Variants in PPM1E observed in about 807,000 individuals in gnomAD.
The protein encoded by PPM1E is protein phosphatase, Mg2+/Mn2+ dependent 1E.
A neutral mutation model predicts 65.9 loss-of-function variants in PPM1E; 20 were observed. The observed-to-expected ratio is 0.30, with a 90% CI of 0.21 to 0.44. The LOEUF (loss-of-function observed/expected upper bound fraction) is 0.44, where lower values mean the gene tolerates loss of function less well. Ranked by LOEUF, PPM1E falls within the 20% of genes least tolerant of loss-of-function variation. The probability of loss-of-function intolerance (pLI) is 1.00; values close to 1 mark genes in which losing one functional copy is unlikely to be tolerated. For synonymous variants in PPM1E, 352 were observed against 374.9 expected, an observed-to-expected ratio of 0.94 and a Z score of 0.70; for missense variants, 713 against 953.1, an observed-to-expected ratio of 0.75 and a Z score of 3.32.
intron 1 of PPM1E, among the ~76,000 whole-genome samples, chr17:58,928,828 G>A (rs2051856964): frequency 6.6e-6 from 1 of 151,362 alleles, no homozygotes; most frequent in South Asian, 2.1e-4. Context: ...TCAGCCTCCT[G>A]AGTAGCTGGG....
intron 1 of PPM1E, among the ~76,000 whole-genome samples, chr17:58,829,804 TCA>T (rs2050580152): frequency 6.6e-6 from 1 of 152,226 alleles, no homozygotes; most frequent in Non-Finnish European, 1.5e-5. Context: ...TTAATTTTTT[TCA>T]GATATTTCAG....
intron 1 of PPM1E, among the ~76,000 whole-genome samples, chr17:58,794,919 TGC>T: frequency 1.3e-5 from 2 of 148,242 alleles, no homozygotes; most frequent in African/African-American, 2.6e-5. Flanking sequence ...GGCAGAGTCT[TGC>T]TCTGTCACCC....
Position 58,756,416 on chromosome 17 carries a change from TG to T in PPM1E, c.421del (p.Glu141ArgfsTer25). 7.4e-7 allele frequency: 1 copy of T among 1,355,384 alleles called. No individual in the cohort carries two copies. Among genetic ancestry groups the T allele is most frequent in the South Asian group, 2.1e-5 (1 of 47,826 alleles). The allele number at this position is 1,355,384 out of a possible 1,614,324, so 84.0% of individuals were successfully genotyped here. On this transcript the variant is annotated frameshift_variant, in exon 1 of 7. Transcript: ENST00000308249. LOFTEE classifies it high-confidence loss of function. ...TCAGAGCGCATCACCCGCGAGGAGG[TG>T]GAGGGCGAAAGCCTGGACCTGTGCC... ...PLSERITREE[V>X]EGESLDLCLQ...
intron 1 of PPM1E, among the ~76,000 whole-genome samples, chr17:58,936,780 T>C (rs1039234863): frequency 6.6e-6 from 1 of 152,226 alleles, no homozygotes; most frequent in Non-Finnish European, 1.5e-5. Flanking sequence ...AAGGAACTTA[T>C]TATCAACCCA....
At chr17:58,871,142 C>T (rs1262755464) in intron 1 of PPM1E, among the ~76,000 whole-genome samples, 2 of 152,104 alleles carry the variant, frequency 1.3e-5, no homozygotes, top group Non-Finnish European at 2.9e-5. Context: ...TCAAGTGATC[C>T]TCCCTTATTT....
At chr17:58,869,126 T>C (rs2051040732) in intron 1 of PPM1E, among the ~76,000 whole-genome samples, 1 of 152,192 alleles carries the variant, frequency 6.6e-6, no homozygotes, top group African/African-American at 2.4e-5. Context: ...GCCAAGATTG[T>C]GCCATTGCAC....
chr17:58,877,029 C>T (rs536373125), intron 1 of PPM1E, among the ~76,000 whole-genome samples: 6 of 152,304 alleles, frequency 3.9e-5, no homozygotes, highest in Admixed American at 2.6e-4. Flanking sequence ...GTGATCCGCC[C>T]GCCTCGGCCT....
At chr17:58,868,451 G>A (rs905675220) in intron 1 of PPM1E, among the ~76,000 whole-genome samples, 1 of 152,078 alleles carries the variant, frequency 6.6e-6, no homozygotes, top group Non-Finnish European at 1.5e-5. Flanking sequence ...AGGTATTAGT[G>A]AGAAGAGGGA....
At chr17:58,932,683 A>G (rs2051917896) in intron 1 of PPM1E, among the ~76,000 whole-genome samples, 2 of 152,228 alleles carry the variant, frequency 1.3e-5, no homozygotes, top group African/African-American at 4.8e-5. Context: ...ACTGGTTTAT[A>G]TGAGCATATG....
intron 1 of PPM1E, among the ~76,000 whole-genome samples, chr17:58,839,265 T>C (rs892559035): frequency 6.6e-6 from 1 of 151,930 alleles, no homozygotes; most frequent in Non-Finnish European, 1.5e-5. Context: ...AGGCCAAGAG[T>C]TCAAGTCCAG....
intron 1 of PPM1E, among the ~76,000 whole-genome samples, chr17:58,865,385 CAAAACA>C (rs758650681): frequency 8.8e-5 from 13 of 147,134 alleles, no homozygotes; most frequent in African/African-American, 3.3e-4. Flanking sequence ...ACTCTGTCTC[CAAAACA>C]AAAACAAAAA....
intron 1 of PPM1E, among the ~76,000 whole-genome samples, chr17:58,874,680 C>G (rs2051109671): frequency 6.6e-6 from 1 of 152,012 alleles, no homozygotes; most frequent in Admixed American, 6.6e-5. Context: ...TTTGTACTAC[C>G]TCAGAAAGAT....
chr17:58,801,733 G>T (rs1478336588), intron 1 of PPM1E, among the ~76,000 whole-genome samples: 8 of 151,382 alleles, frequency 5.3e-5, no homozygotes, highest in African/African-American at 1.9e-4. Context: ...GAGCCACCAC[G>T]CTCGGCTCCC....
At chr17:58,958,210 T>A (rs1598677967) in intron 2 of PPM1E, among the ~76,000 whole-genome samples, 2 of 151,562 alleles carry the variant, frequency 1.3e-5, no homozygotes, top group East Asian at 3.8e-4. Context: ...TTATTTTTAT[T>A]TATTTTTTTT....
intron 1 of PPM1E, among the ~76,000 whole-genome samples, chr17:58,881,711 G>A (rs2051196765): frequency 6.6e-6 from 1 of 151,960 alleles, no homozygotes; most frequent in Admixed American, 6.6e-5. Flanking sequence ...AGGCATGATA[G>A]TGTGCACCTG....
chr17:58,843,325 C>CA (rs1177213005), intron 1 of PPM1E, among the ~76,000 whole-genome samples: 5,979 of 91,298 alleles, frequency 0.065, 170 homozygotes, highest in Non-Finnish European at 0.089. Context: ...GACTCCCTCT[C>CA]AAAAAAAAAA....
chr17:58,834,050 G>A (rs2050630508), intron 1 of PPM1E, among the ~76,000 whole-genome samples: 1 of 152,184 alleles, frequency 6.6e-6, no homozygotes, highest in Admixed American at 6.5e-5. Context: ...CTTTTGCGAA[G>A]TGTCTGTGCA....
chr17:58,766,923 CAA>C (rs1464830262), intron 1 of PPM1E, among the ~76,000 whole-genome samples: 4 of 151,998 alleles, frequency 2.6e-5, no homozygotes, highest in Non-Finnish European at 5.9e-5. Context: ...ATCAGAGAAA[CAA>C]AAATATTTTC....
chr17:58,930,184 C>T (rs2051873797), intron 1 of PPM1E, among the ~76,000 whole-genome samples: 1 of 151,116 alleles, frequency 6.6e-6, no homozygotes, highest in Non-Finnish European at 1.5e-5. Flanking sequence ...TCACTTAAGT[C>T]CAGGAGTTCA....
Sources: gnomAD v4.1 joint callset for allele counts (sites outside exome capture counted in the v4.1 genomes callset) on GRCh38, gnomAD v4.1.1 for gene constraint, MANE v1.5 for transcripts, NCBI Gene and HGNC (gene_info 2026-07-23, HGNC 2026-07-21) for gene names.